SRCIN1: variants seen among roughly 807,000 people sequenced by gnomAD.
SRCIN1 encodes the protein P130Cas-associated protein.
In SRCIN1, 50 loss-of-function variants were observed where a neutral mutation model predicts 116.2. The observed-to-expected ratio is 0.43, with a 90% confidence interval of 0.34 to 0.54. SRCIN1 has a LOEUF of 0.54. Among genes scored for constraint, SRCIN1 ranks in the 20% least tolerant of loss-of-function variants. The pLI is 0.02. For missense variants in SRCIN1, 1,446 were observed against 1,672.0 expected (o/e 0.86, Z 2.36); for synonymous variants, 736 against 750.0 (o/e 0.98, Z 0.30).
At position 38,604,907 on chromosome 17, in the gene SRCIN1, C is replaced by A. The variant is rs929980595; in HGVS notation, c.22+777G>T. On this transcript the variant is annotated intron_variant, in intron 1 of 18. Coordinates refer to ENST00000617146, the MANE Select transcript of SRCIN1 (RefSeq NM_025248.3). This position sits in a 1 kb window ranked among gnomAD's most constrained non-coding sequence, Gnocchi z 4.3. Reference sequence around the variant, plus strand: ...AGCTGGGGGCGCCCTCCCCTGCCCCCTGGCCTCTGCAGGGGGAGGGGTTAA... The same window carrying A: ...AGCTGGGGGCGCCCTCCCCTGCCCCATGGCCTCTGCAGGGGGAGGGGTTAA... Among the ~76,000 whole-genome samples the A allele has an allele frequency of 2.6e-5, 4 of 151,988 alleles. No homozygotes were observed. The highest frequency in any genetic ancestry group is 7.2e-5 in the African/African-American group (3 of 41,392).
intron 1 of SRCIN1, among the ~76,000 whole-genome samples, chr17:38,603,866 A>T (rs1909205069): frequency 6.6e-6 from 1 of 152,112 alleles, no homozygotes; most frequent in Admixed American, 6.5e-5. Flanking sequence ...GCTTGCCTGG[A>T]GCACTCCTTC....
chr17:38,581,034 T>C (rs933383848), intron 1 of SRCIN1, among the ~76,000 whole-genome samples: 1 of 152,110 alleles, frequency 6.6e-6, no homozygotes, highest in Non-Finnish European at 1.5e-5. Context: ...GGGGTCTTGC[T>C]ATGTTGCCCA....
chr17:38,560,229 C>A, intron 8 of SRCIN1, 104 bp downstream of exon 8: 1 of 1,398,952 alleles, frequency 7.1e-7, no homozygotes, highest in Admixed American at 2.2e-5. Context: ...GGAAGGGATT[C>A]ACCCAGGGTC....
At chr17:38,586,960 G>A (rs1908146599) in intron 1 of SRCIN1, among the ~76,000 whole-genome samples, 1 of 151,964 alleles carries the variant, frequency 6.6e-6, no homozygotes, top group Non-Finnish European at 1.5e-5. Flanking sequence ...TCCATGGGGA[G>A]AGCAGATTTG....
intron 17 of SRCIN1, 22 bp downstream of exon 17, chr17:38,548,535 G>T (rs1450459075): frequency 1.9e-6 from 3 of 1,607,064 alleles, no homozygotes; most frequent in Non-Finnish European, 1.7e-6. Flanking sequence ...AGACCTTGGG[G>T]GCCAGGTGTG....
At chr17:38,559,251 G>A in intron 10 of SRCIN1, 1 of 456,204 alleles carries the variant, frequency 2.2e-6, no homozygotes, top group Non-Finnish European at 3.9e-6. Context: ...AACTGGAACT[G>A]CCCCGAGGGA....
At chr17:38,555,638 G>C (rs1393256677) in intron 11 of SRCIN1, among the ~76,000 whole-genome samples, 2 of 152,182 alleles carry the variant, frequency 1.3e-5, no homozygotes, top group East Asian at 3.8e-4. Context: ...TTAGTTCAAG[G>C]TCATACAGCT....
chr17:38,598,712 G>A (rs1428410638), intron 1 of SRCIN1, among the ~76,000 whole-genome samples: 5 of 152,260 alleles, frequency 3.3e-5, no homozygotes. Context: ...AACCGAGGCA[G>A]GTGGCCTGGG....
At chr17:38,546,324 G>A (rs1905068862) in intron 17 of SRCIN1, 1 of 152,392 alleles carries the variant, frequency 6.6e-6, no homozygotes, top group African/African-American at 2.4e-5. Flanking sequence ...GCAGAGCCTG[G>A]ATTTGAACCC....
At chr17:38,543,714 G>T (rs893576662) in intron 18 of SRCIN1, 109 bp downstream of exon 18, 2 of 1,448,862 alleles carry the variant, frequency 1.4e-6, no homozygotes, top group South Asian at 1.4e-5. Context: ...TGTCTGGGAA[G>T]AGGTTGGGAA....
chr17:38,564,445 A>T, intron 3 of SRCIN1, 132 bp from the exon 4 acceptor site: 1 of 948,454 alleles, frequency 1.1e-6, no homozygotes, highest in Non-Finnish European at 1.5e-6. Flanking sequence ...AGACTCCCAC[A>T]CAGATTACAG....
At chr17:38,575,658 T>C (rs1021962179) in intron 2 of SRCIN1, among the ~76,000 whole-genome samples, 1 of 152,104 alleles carries the variant, frequency 6.6e-6, no homozygotes, top group Non-Finnish European at 1.5e-5. Context: ...CACACCTACC[T>C]CACAGAAATA....
chr17:38,587,612 G>A (rs1009407505), intron 1 of SRCIN1, among the ~76,000 whole-genome samples: 8 of 151,862 alleles, frequency 5.3e-5, no homozygotes, highest in African/African-American at 1.5e-4. Context: ...TCCATTCCAC[G>A]ATGCCACTTC....
intron 14 of SRCIN1, 101 bp downstream of exon 14, chr17:38,551,785 A>G (rs942319266): frequency 2.5e-6 from 4 of 1,590,588 alleles, no homozygotes; most frequent in Non-Finnish European, 3.4e-6. Context: ...TCCCCCAAGG[A>G]AAAAGACCCA....
In SRCIN1 at chr17:38,566,866, TTTCCTTCCTTCCTTCC is replaced by T. The variant is rs71138633; in HGVS notation, c.345+1329_345+1344del. Among the ~76,000 whole-genome samples, 3 of 132,010 alleles carry T rather than the reference TTTCCTTCCTTCCTTCC, an allele frequency of 2.3e-5. No individual in the cohort carries two copies. The South Asian group carries it at 8.1e-4, about 36-fold the overall frequency. The allele number at this position is 132,010 out of a possible 152,430, so 86.6% of individuals were successfully genotyped here. ...TTTTGTTTTGTTTTGTTTTGTTTCG[TTTCCTTCCTTCCTTCC>T]TTCCTTCCTTCCTTCCTTCTTTCCT... On this transcript the variant is annotated intron_variant, in intron 3 of 18. Coordinates refer to ENST00000617146, the MANE Select transcript of SRCIN1 (RefSeq NM_025248.3).
intron 18 of SRCIN1, among the ~76,000 whole-genome samples, chr17:38,534,391 TG>T (rs1217623287): frequency 6.6e-6 from 1 of 152,216 alleles, no homozygotes; most frequent in Non-Finnish European, 1.5e-5. Context: ...GTGCCTCTGC[TG>T]CACACTTACC....
intron 1 of SRCIN1, among the ~76,000 whole-genome samples, chr17:38,580,427 C>T (rs1312516137): frequency 6.6e-6 from 1 of 152,136 alleles, no homozygotes; most frequent in African/African-American, 2.4e-5. Flanking sequence ...AGCCGCAGCT[C>T]ACCAGGGCCT....
At chr17:38,550,481 C>T (rs1158152095) in intron 15 of SRCIN1, among the ~76,000 whole-genome samples, 2 of 151,958 alleles carry the variant, frequency 1.3e-5, no homozygotes, top group African/African-American at 2.4e-5. Flanking sequence ...GCGACAGAGA[C>T]AGACCCCGTC....
chr17:38,540,740 GGTGTGTGTGTGTGTGT>G (rs151164930), intron 18 of SRCIN1, among the ~76,000 whole-genome samples: 2 of 146,848 alleles, frequency 1.4e-5, no homozygotes, highest in East Asian at 2.0e-4. Flanking sequence ...AGCTGGCAGG[GGTGTGTGTGTGTGTGT>G]GTGTGTGTGT....
Sources: allele counts gnomAD v4.1 joint callset (sites outside exome capture counted in the v4.1 genomes callset), GRCh38; gene constraint gnomAD v4.1.1; non-coding constraint Gnocchi (gnomAD v3.1); transcripts MANE v1.5; gene names NCBI Gene and HGNC (gene_info 2026-07-23, HGNC 2026-07-21).